VPS13C: variants seen among roughly 807,000 people sequenced by gnomAD.
VPS13C encodes intermembrane lipid transfer protein VPS13C.
VPS13C carries 358 observed loss-of-function variants against 456.8 expected under a neutral mutation model. The ratio of observed to expected loss-of-function variants is 0.78; its 90% CI spans 0.72 to 0.86. The LOEUF is 0.86. Among genes scored for constraint, VPS13C ranks in the 40% least tolerant of loss-of-function variants. The pLI is 0.00. For synonymous variants in VPS13C, 1,578 were observed against 1,486.7 expected (o/e 1.06, Z -1.41); for missense variants, 4,818 against 4,385.4 (o/e 1.10, Z -2.79).
chr15:61,877,544 T>A (rs989087440), intron 74 of VPS13C, among the ~76,000 whole-genome samples: 1 of 151,116 alleles, frequency 6.6e-6, no homozygotes, highest in Admixed American at 6.7e-5. Context: ...AAATAATTAA[T>A]GATGCCATGC....
intron 73 of VPS13C, among the ~76,000 whole-genome samples, chr15:61,879,707 A>G (rs1981917): frequency 0.39 from 58,518 of 151,942 alleles, 11,727 homozygotes; most frequent in Non-Finnish European, 0.43. Flanking sequence ...ATAAGCATTC[A>G]GTAAATACTT....
intron 82 of VPS13C, among the ~76,000 whole-genome samples, chr15:61,859,361 T>C (rs1240845446): frequency 6.6e-6 from 1 of 152,004 alleles, no homozygotes; most frequent in Non-Finnish European, 1.5e-5. Flanking sequence ...GAGAACCTGT[T>C]TCAAAAAAAT....
rs1412306490 is a variant in VPS13C, at chr15:61,983,933, C to A, written c.1801G>T (p.Gly601Cys). The A allele has an allele frequency of 6.2e-7, 1 of 1,614,112 alleles. No homozygotes were observed. The highest frequency in any genetic ancestry group is 1.1e-5 in the South Asian group (1 of 91,082). ...TTAAGCAAGGATGATGTAGTGTCACCAATTGAAGCCACAAGTGATGGCACA... is the reference window on the plus strand; with the variant it reads ...TTAAGCAAGGATGATGTAGTGTCACAAATTGAAGCCACAAGTGATGGCACA... ...DIVPSLVASI[G>C]DTTSSLLKIK... The change falls in exon 20 of 85, where the codon GGT (glycine) becomes TGT (cysteine). Residue 601 changes from glycine to cysteine, a missense_variant. Around this residue, in one of 3 missense-constraint regions of VPS13C, gnomAD observed 4,552 missense variants for 4,130.6 expected, o/e 1.10. Transcript: ENST00000644861.
At chr15:61,962,003 T>C in intron 34 of VPS13C, 110 bp from the exon 35 acceptor site, 2 of 1,213,330 alleles carry the variant, frequency 1.6e-6, no homozygotes, top group Non-Finnish European at 2.2e-6. Context: ...AATATTTAAC[T>C]TTCCATTGAG....
intron 67 of VPS13C, among the ~76,000 whole-genome samples, chr15:61,885,642 T>G (rs1447070739): frequency 6.6e-6 from 1 of 152,144 alleles, no homozygotes; most frequent in Non-Finnish European, 1.5e-5. Flanking sequence ...GACTGAAATA[T>G]TTTCCACTAA....
In VPS13C at chr15:61,952,061, G is replaced by GTGGTGT. The variant is rs2044817832; in HGVS notation, c.4300-82_4300-81insACACCA. 7 of 1,473,350 alleles carry GTGGTGT rather than the reference G, an allele frequency of 4.8e-6. No homozygotes were observed. In the South Asian group the frequency reaches 8.0e-5, roughly 17 times the overall value. 91.3% of individuals were successfully genotyped at this position (1,473,350 alleles called of 1,614,324 possible). On this transcript the variant is annotated intron_variant, in intron 38 of 84. Coordinates refer to ENST00000644861, the MANE Select transcript of VPS13C (RefSeq NM_020821.3). ...AAGTCAAGAATTTAATAAGTATCCA[G>GTGGTGT]AGTGATATAAGGAAGAAATTCACAC...
chr15:61,977,934 G>C (rs2140371281), intron 23 of VPS13C, among the ~76,000 whole-genome samples: 1 of 152,056 alleles, frequency 6.6e-6, no homozygotes, highest in Non-Finnish European at 1.5e-5. Flanking sequence ...ACTCCTACTA[G>C]AGTATAAACT....
At chr15:61,922,302 CAT>C in intron 54 of VPS13C, 93 bp downstream of exon 54, 1 of 1,431,482 alleles carries the variant, frequency 7.0e-7, no homozygotes, top group Non-Finnish European at 9.5e-7. Flanking sequence ...CATATGTACT[CAT>C]AGTGGCCATG....
intron 66 of VPS13C, among the ~76,000 whole-genome samples, chr15:61,892,916 GAC>G (rs751512212): frequency 1.7e-4 from 26 of 152,156 alleles, no homozygotes; most frequent in Non-Finnish European, 3.4e-4. Context: ...TTAGCTCTAA[GAC>G]AGGCTATTGG....
chr15:61,976,973 T>C, intron 24 of VPS13C, 109 bp downstream of exon 24: 1 of 717,510 alleles, frequency 1.4e-6, no homozygotes, highest in Non-Finnish European at 2.3e-6. Flanking sequence ...GGAATAATCA[T>C]TTTTGCTGTC....
chr15:61,951,239 A>C (rs909776437), intron 39 of VPS13C, among the ~76,000 whole-genome samples: 1 of 152,118 alleles, frequency 6.6e-6, no homozygotes, highest in South Asian at 2.1e-4. Flanking sequence ...AGTACCCACC[A>C]ATTACAACTG....
Position 62,013,084 on chromosome 15 carries a change from A to C in VPS13C, c.780T>G (p.Asn260Lys), listed in dbSNP as rs2047105505. The C allele has an allele frequency of 6.2e-7, 1 of 1,611,192 alleles. No individual in the cohort carries two copies. The highest frequency in any genetic ancestry group is 8.5e-7 in the Non-Finnish European group (1 of 1,178,442). The change falls in exon 11 of 85, where the codon AAT (asparagine) becomes AAG (lysine). Residue 260 changes from asparagine (N) to lysine (K), a missense_variant. By Grantham distance (94) the Asn-to-Lys change is moderately conservative. This residue lies in a region of VPS13C where 4,552 missense variants were observed against 4,130.6 expected (regional missense o/e 1.10). Coordinates refer to ENST00000644861, the MANE Select transcript of VPS13C (RefSeq NM_020821.3). ...IRLDSLSAYW[N>K]VNCSMSYQRS... ...TCTGGTAAGACATGCTGCAATTTAC[A>C]TTCCAGTAGGCGCTAAGACTATCAA...
chr15:62,020,473 C>A lies in VPS13C; in HGVS notation c.684+6G>T. 1.2e-6 allele frequency: 2 copies of A among 1,608,228 alleles called. No individual in the cohort carries two copies. The highest frequency in any genetic ancestry group is 8.5e-7 in the Non-Finnish European group (1 of 1,177,232). ...CCATAGAAGTTTAAAATAAAGCAAA[C>A]ATTACCAGTAGACTAAGCTCTCCCA... On this transcript the variant is annotated splice_donor_region_variant and intron_variant, in intron 9 of 84. Coordinates refer to ENST00000644861, the MANE Select transcript of VPS13C (RefSeq NM_020821.3).
intron 83 of VPS13C, among the ~76,000 whole-genome samples, chr15:61,856,073 T>G (rs1893886154): frequency 6.6e-6 from 1 of 152,120 alleles, no homozygotes; most frequent in African/African-American, 2.4e-5. Flanking sequence ...GAATCTTAAT[T>G]ATTTGGGTGG....
chr15:62,044,390 C>A (rs2048340049), intron 1 of VPS13C, 135 bp from the exon 2 acceptor site: 3 of 510,788 alleles, frequency 5.9e-6, no homozygotes, highest in Non-Finnish European at 1.0e-5. Context: ...ACTTAAGAGG[C>A]TACCCGGCAC....
chr15:61,939,912 T>G lies in VPS13C; in HGVS notation c.5601+735A>C, dbSNP rs2044358068. On this transcript the variant is annotated intron_variant, in intron 47 of 84. Transcript: ENST00000644861. ...AGGAGGCTGAGGCAGGAGAATCGCTTGAACCCAGCTAGTGGAGGTCACAGT... is the reference window on the plus strand; with the variant it reads ...AGGAGGCTGAGGCAGGAGAATCGCTGGAACCCAGCTAGTGGAGGTCACAGT... Among the ~76,000 whole-genome samples the G allele has an allele frequency of 4.0e-5, 6 of 151,582 alleles. 1 individual carries two copies. The highest frequency in any genetic ancestry group is 3.9e-4 in the Admixed American group (6 of 15,214).
chr15:61,865,042 T>C (rs1247079135), intron 81 of VPS13C: 3 of 984,690 alleles, frequency 3.0e-6, no homozygotes, highest in Non-Finnish European at 2.4e-6. Flanking sequence ...AGAAAACTTG[T>C]CTTCAGCACT....
At chr15:61,860,953 CTTTTTTTTTT>C (rs781045840) in intron 82 of VPS13C, among the ~76,000 whole-genome samples, 2 of 89,698 alleles carry the variant, frequency 2.2e-5, no homozygotes, top group Non-Finnish European at 4.5e-5. Context: ...TATTTTCTTT[CTTTTTTTTTT>C]TTTTTTTTTT....
chr15:61,896,696 G>A (rs1238500537), intron 66 of VPS13C, among the ~76,000 whole-genome samples: 3 of 152,234 alleles, frequency 2.0e-5, no homozygotes, highest in Non-Finnish European at 4.4e-5. Context: ...CCATTGCCCA[G>A]GCTTGCTTAG....
Sources: gnomAD v4.1 joint callset for allele counts (sites outside exome capture counted in the v4.1 genomes callset) on GRCh38, gnomAD v4.1.1 for gene constraint, gnomAD v4.1.1 regional missense constraint, MANE v1.5 for transcripts, NCBI Gene and HGNC (gene_info 2026-07-23, HGNC 2026-07-21) for gene names.